Variants in CHFR observed in about 807,000 individuals in gnomAD.
CHFR encodes checkpoint with forkhead and ring finger domains, also known as E3 ubiquitin-protein ligase CHFR.
CHFR carries 57 observed loss-of-function variants against 87.6 expected under a neutral mutation model. That is an observed-to-expected ratio of 0.65 (90% CI 0.53 to 0.81). The LOEUF (loss-of-function observed/expected upper bound fraction) is 0.81, where lower values mean the gene tolerates loss of function less well. CHFR is among the 30% of genes least tolerant of loss of function. CHFR has a pLI of 0.00. For synonymous variants in CHFR, 381 were observed against 359.2 expected (o/e 1.06, Z -0.69); for missense variants, 797 against 865.8 (o/e 0.92, Z 1.00).
At chr12:132,878,900 G>A (rs1951697911) in intron 2 of CHFR, among the ~76,000 whole-genome samples, 1 of 149,952 alleles carries the variant, frequency 6.7e-6, no homozygotes, top group African/African-American at 2.4e-5. Context: ...TTTCTTTTCT[G>A]TGTAAACTTA....
At position 132,859,072 on chromosome 12, in the gene CHFR, C is replaced by G. The variant is rs771123706; in HGVS notation, c.907G>C (p.Val303Leu). Reference sequence around the variant, plus strand: ...CAAGGGTGAACACGGTCGCACCTCACGCAGTCGTGCAGCAGGTCCTGGCAG... The same window carrying G: ...CAAGGGTGAACACGGTCGCACCTCAGGCAGTCGTGCAGCAGGTCCTGGCAG... ...IICQDLLHDC[V>L]SLQPCMHTFC... Residue 303 changes from valine (V) to leucine (L), a missense_variant, in exon 8 of 18, where the codon GTG becomes CTG. Val to Leu is a conservative substitution (Grantham distance 32, BLOSUM62 1). Coordinates refer to ENST00000450056, the MANE Select transcript of CHFR (RefSeq NM_001161346.2). 1.2e-6 allele frequency: 2 copies of G among 1,612,770 alleles called. No homozygotes were observed. Among genetic ancestry groups the G allele is most frequent in the Admixed American group, 1.7e-5 (1 of 59,862 alleles).
intron 6 of CHFR, among the ~76,000 whole-genome samples, chr12:132,864,874 G>A (rs1291246021): frequency 6.6e-6 from 1 of 152,102 alleles, no homozygotes; most frequent in East Asian, 1.9e-4. Context: ...TATGCAAACC[G>A]TATTACCCAG....
rs548946821 is a variant in CHFR, at chr12:132,879,332, T to C, written c.134-1678A>G. Among the ~76,000 whole-genome samples, 8 of 152,150 alleles carry C rather than the reference T, an allele frequency of 5.3e-5. No homozygotes were observed. In the East Asian group the frequency reaches 7.8e-4, roughly 15 times the overall value. ...TTGTACACGTATAAGAAACTGCATC[T>C]TATATACAGGGATGCATCTATAGCT... On this transcript the variant is annotated intron_variant, in intron 2 of 17. Transcript: ENST00000450056.
intron 2 of CHFR, among the ~76,000 whole-genome samples, 180 bp from the exon 3 acceptor site, chr12:132,877,834 G>A (rs539433109): frequency 5.3e-5 from 8 of 151,280 alleles, no homozygotes; most frequent in Middle Eastern, 3.4e-3. Context: ...ACGGAGTCTC[G>A]CTCTGTCGCC....
rs1378039564 is a variant in CHFR at position 132,834,823 on chromosome 12, C to G, written c.*6731G>C. ...CTCCGCCTCCCGGGTTCAAGCCATT[C>G]TCCTGCCTCAGCCTCCCGAGTAGCT... On this transcript the variant is annotated 3_prime_UTR_variant, in exon 18 of 18. Coordinates refer to ENST00000450056, the MANE Select transcript of CHFR (RefSeq NM_001161346.2). 1 of 151,084 alleles carries G rather than the reference C, an allele frequency of 6.6e-6. No individual in the cohort carries two copies. 9.4% of individuals were successfully genotyped at this position (151,084 alleles called of 1,614,324 possible).
chr12:132,871,427 C>T (rs917932250), intron 4 of CHFR, among the ~76,000 whole-genome samples: 4 of 147,316 alleles, frequency 2.7e-5, no homozygotes, highest in African/African-American at 7.6e-5. Flanking sequence ...ACTCCAGCCT[C>T]CGCAACAGAG....
chr12:132,875,027 T>G (rs1175449329), intron 3 of CHFR, among the ~76,000 whole-genome samples: 1 of 92,128 alleles, frequency 1.1e-5, no homozygotes, highest in Non-Finnish European at 2.3e-5. Context: ...CAGGCCCTGA[T>G]GTAGGCAGGA....
At chr12:132,851,448 GAA>G (rs1950941947) in intron 12 of CHFR, among the ~76,000 whole-genome samples, 168 bp downstream of exon 12, 1 of 152,160 alleles carries the variant, frequency 6.6e-6, no homozygotes, top group Admixed American at 6.5e-5. Flanking sequence ...TAGATGGTGG[GAA>G]AAGATAGATT....
intron 12 of CHFR, chr12:132,849,778 T>C (rs1324913657): frequency 1.3e-5 from 2 of 151,534 alleles, no homozygotes; most frequent in African/African-American, 2.4e-5. Context: ...TTAGTAAAGA[T>C]GGGGTCTCAC....
chr12:132,887,275 C>A lies in CHFR; in HGVS notation c.54G>T (p.Arg18=), dbSNP rs1593551043. The change falls in exon 2 of 18, where the codon CGG becomes CGT. Residue 18 remains arginine, a synonymous_variant. Coordinates refer to ENST00000450056, the MANE Select transcript of CHFR (RefSeq NM_001161346.2). ...KQSPPPQPWG[R]LLRLGAEEGE... ...CCTCCTCCGCGCCCAGACGCAGGAG[C>A]CGTCCCCAGGGCTGCGGCGGCGGCG... 1 of 1,498,706 alleles carries A rather than the reference C, an allele frequency of 6.7e-7. No individual in the cohort carries two copies. 92.8% of individuals were successfully genotyped at this position (1,498,706 alleles called of 1,614,324 possible).
At chr12:132,861,866 A>T (rs1951217326) in intron 6 of CHFR, 2 of 517,762 alleles carry the variant, frequency 3.9e-6, no homozygotes, top group African/African-American at 3.8e-5. Context: ...TTTGCAGAGA[A>T]ACAAATGCGG....
At chr12:132,866,513 C>T (rs988466610) in intron 6 of CHFR, 1 of 151,788 alleles carries the variant, frequency 6.6e-6, no homozygotes, top group Non-Finnish European at 1.5e-5. Context: ...AATGTTACAA[C>T]ACACTGGAAT....
chr12:132,842,967 T>A (rs1330695513), intron 17 of CHFR, 44 bp downstream of exon 17: 3 of 1,528,372 alleles, frequency 2.0e-6, no homozygotes, highest in Non-Finnish European at 2.7e-6. Flanking sequence ...AGTTAACTCA[T>A]TCATCACTCT....
At chr12:132,853,785 C>T in intron 10 of CHFR, 1 of 546,676 alleles carries the variant, frequency 1.8e-6, no homozygotes. Context: ...ACTCTGCATC[C>T]CCAGCTCAGC....
intron 3 of CHFR, among the ~76,000 whole-genome samples, chr12:132,876,150 T>C: frequency 6.7e-6 from 1 of 149,454 alleles, no homozygotes; most frequent in South Asian, 2.1e-4. Flanking sequence ...CACTTCAGCC[T>C]GCAACACAGT....
At chr12:132,879,911 C>G (rs1593531862) in intron 2 of CHFR, among the ~76,000 whole-genome samples, 1 of 152,304 alleles carries the variant, frequency 6.6e-6, no homozygotes, top group Non-Finnish European at 1.5e-5. Flanking sequence ...CACCCTGAAT[C>G]TGCTTTAGCC....
At chr12:132,863,620 G>A (rs1318473026) in intron 6 of CHFR, among the ~76,000 whole-genome samples, 6 of 152,216 alleles carry the variant, frequency 3.9e-5, no homozygotes, top group Non-Finnish European at 5.9e-5. Flanking sequence ...GGTGCTGCGT[G>A]TGAACTATTT....
At chr12:132,861,945 T>A in intron 6 of CHFR, 1 of 338,934 alleles carries the variant, frequency 3.0e-6, no homozygotes, top group East Asian at 5.6e-5. Flanking sequence ...ATACCCGTGG[T>A]CATATGATAC....
chr12:132,883,929 C>A (rs889693078), intron 2 of CHFR, among the ~76,000 whole-genome samples: 29 of 152,280 alleles, frequency 1.9e-4, no homozygotes, highest in African/African-American at 6.7e-4. Context: ...ACCAGCCTGA[C>A]CAACATGGTA....
Sources: allele counts gnomAD v4.1 joint callset (sites outside exome capture counted in the v4.1 genomes callset), GRCh38; gene constraint gnomAD v4.1.1; transcripts MANE v1.5; gene names NCBI Gene and HGNC (gene_info 2026-07-23, HGNC 2026-07-21).